Variants in ACER1 observed in about 807,000 individuals in gnomAD.
ACER1 encodes CTB-180A7.3.
Under a neutral mutation model 24.9 loss-of-function variants are expected in ACER1, and 28 were observed. The observed-to-expected ratio is 1.13, with a 90% CI of 0.83 to 1.54. ACER1 has a LOEUF of 1.54. Among genes scored for constraint, ACER1 ranks in the 40% most tolerant of loss-of-function variants. The pLI, the probability that ACER1 is intolerant of heterozygous loss-of-function variation, is 0.00. For missense variants in ACER1, 352 were observed against 349.3 expected (o/e 1.01, Z -0.06); for synonymous variants, 132 against 131.4 (o/e 1.00, Z -0.03).
intron 1 of ACER1, among the ~76,000 whole-genome samples, chr19:6,324,380 TGTTG>T (rs2091648249): frequency 6.6e-6 from 1 of 151,562 alleles, no homozygotes; most frequent in Non-Finnish European, 1.5e-5. Flanking sequence ...GGTCTCACTC[TGTTG>T]CCCAGGCTGG....
intron 1 of ACER1, among the ~76,000 whole-genome samples, chr19:6,314,106 A>T (rs900774309): frequency 6.0e-5 from 9 of 149,658 alleles, no homozygotes; most frequent in African/African-American, 2.2e-4. Flanking sequence ...ACAAAACAGT[A>T]TGTAAATATA....
At chr19:6,351,015 T>G in the ACER1 span, among the ~76,000 whole-genome samples, 1 of 152,144 alleles carries the variant, frequency 6.6e-6, no homozygotes, top group Non-Finnish European at 1.5e-5. Flanking sequence ...TCATTGGTAT[T>G]TCTCTCCCTC....
chr19:6,342,266 T>TC, the ACER1 span, among the ~76,000 whole-genome samples: 2 of 151,014 alleles, frequency 1.3e-5, no homozygotes, highest in Admixed American at 1.3e-4. Flanking sequence ...TTCTTTTTTT[T>TC]TTTTTTTTTT....
At chr19:6,308,039 C>T (rs1404416312) in intron 4 of ACER1, among the ~76,000 whole-genome samples, 1 of 151,930 alleles carries the variant, frequency 6.6e-6, no homozygotes, top group African/African-American at 2.4e-5. Flanking sequence ...GCCGGGATTG[C>T]GCCACTGCAC....
chr19:6,346,307 C>T, the ACER1 span, among the ~76,000 whole-genome samples: 275 of 152,018 alleles, frequency 1.8e-3, no homozygotes, highest in African/African-American at 6.4e-3. Context: ...TCATTCCTTC[C>T]TCCAAAAAAA....
At chr19:6,309,328 G>A (rs1002240553) in intron 4 of ACER1, among the ~76,000 whole-genome samples, 2 of 152,038 alleles carry the variant, frequency 1.3e-5, no homozygotes, top group Non-Finnish European at 2.9e-5. Context: ...AGACCAGATT[G>A]GGCAACATGA....
chr19:6,350,222 C>A, the ACER1 span, among the ~76,000 whole-genome samples: 1 of 151,190 alleles, frequency 6.6e-6, no homozygotes, highest in Non-Finnish European at 1.5e-5. Flanking sequence ...AATCCCAGCA[C>A]TTTGGGAGGC....
At chr19:6,333,136 A>G (rs2091696794) in intron 1 of ACER1, among the ~76,000 whole-genome samples, 1 of 151,764 alleles carries the variant, frequency 6.6e-6, no homozygotes, top group South Asian at 2.1e-4. Context: ...GCCTCCCCCT[A>G]CCACAGCTGC....
At chr19:6,307,091 G>A (rs775467775) in intron 5 of ACER1, 62 bp downstream of exon 5, 60 of 1,600,492 alleles carry the variant, frequency 3.7e-5, no homozygotes, top group South Asian at 6.7e-5. Context: ...TGCCTACTCC[G>A]AGCTTTGGCA....
At chr19:6,315,099 G>A (rs1016887162) in intron 1 of ACER1, among the ~76,000 whole-genome samples, 2 of 151,738 alleles carry the variant, frequency 1.3e-5, no homozygotes, top group Non-Finnish European at 2.9e-5. Flanking sequence ...GTTTCACCGT[G>A]GTCTCAATCT....
the ACER1 span, among the ~76,000 whole-genome samples, chr19:6,357,873 T>A: frequency 3.3e-5 from 5 of 152,116 alleles, no homozygotes; most frequent in Admixed American, 3.3e-4. Flanking sequence ...GTTAGGGAGC[T>A]ATTAACAATG....
the ACER1 span, among the ~76,000 whole-genome samples, chr19:6,349,123 G>A: frequency 6.7e-6 from 1 of 148,724 alleles, no homozygotes; most frequent in African/African-American, 2.5e-5. Flanking sequence ...AGGAGGAGGA[G>A]GAAGAGGAAG....
At chr19:6,335,224 C>CTTTTTTTTT (rs146932699), upstream of ACER1, among the ~76,000 whole-genome samples, 26 of 102,230 alleles carry the variant, frequency 2.5e-4, no homozygotes, top group African/African-American at 7.3e-4. Flanking sequence ...ATTTAACGTT[C>CTTTTTTTTT]TTTTTTTTTT....
the ACER1 span, among the ~76,000 whole-genome samples, chr19:6,354,813 C>T: frequency 1.4e-5 from 2 of 146,344 alleles, no homozygotes; most frequent in Non-Finnish European, 3.0e-5. Context: ...CCTCTCCCCC[C>T]TCTCCCTTTC....
the ACER1 span, among the ~76,000 whole-genome samples, chr19:6,347,218 CTTTTTCT>C: frequency 1.5e-5 from 2 of 132,208 alleles, no homozygotes; most frequent in African/African-American, 6.4e-5. Flanking sequence ...CTTTTCTTTT[CTTTTTCT>C]TTTTTTTTTT....
rs191885934 is a variant in ACER1 at position 6,309,615 on chromosome 19, C to T, written c.488+82G>A. 256 of 1,560,030 alleles carry T rather than the reference C, an allele frequency of 1.6e-4. No individual in the cohort carries two copies. The African/African-American group carries it at 3.0e-3, about 18-fold the overall frequency. On this transcript the variant is annotated intron_variant, in intron 4 of 5. Transcript: ENST00000301452. ...TTAGTGGGTGATCTTGGAGAAGGGA[C>T]GTCCCCTCCGCGAGCCTGGAGTCAG...
At chr19:6,357,266 T>C in the ACER1 span, among the ~76,000 whole-genome samples, 1 of 151,854 alleles carries the variant, frequency 6.6e-6, no homozygotes, top group Non-Finnish European at 1.5e-5. Flanking sequence ...AGGCTGGTCT[T>C]GAACTCCTGA....
chr19:6,320,004 G>A (rs1451773422), intron 1 of ACER1, among the ~76,000 whole-genome samples: 2 of 151,018 alleles, frequency 1.3e-5, no homozygotes, highest in African/African-American at 2.4e-5. Context: ...CAGCTACTCA[G>A]GAGGCTGAAA....
chr19:6,354,334 A>C, the ACER1 span, among the ~76,000 whole-genome samples: 1 of 134,102 alleles, frequency 7.5e-6, no homozygotes, highest in Non-Finnish European at 1.6e-5. Flanking sequence ...TGATGGGGGT[A>C]GGGGTGGGGG....
Sources: allele counts gnomAD v4.1 joint callset (sites outside exome capture counted in the v4.1 genomes callset), GRCh38; gene constraint gnomAD v4.1.1; transcripts MANE v1.5; gene names NCBI Gene and HGNC (gene_info 2026-07-23, HGNC 2026-07-21).